The following EYA2 variants were observed in gnomAD, a reference collection of about 807,000 sequenced individuals.
The protein encoded by EYA2 is protein phosphatase EYA2.
Under a neutral mutation model 69.2 loss-of-function variants are expected in EYA2, and 31 were observed. The observed-to-expected ratio is 0.45, with a 90% CI of 0.34 to 0.60. EYA2 has a LOEUF of 0.60. EYA2 is among the 20% of genes least tolerant of loss of function. The pLI is 0.02. For missense variants in EYA2, 622 were observed against 701.2 expected (o/e 0.89, Z 1.28); for synonymous variants, 257 against 279.4 (o/e 0.92, Z 0.80).
chr20:46,895,515 C>G (rs1052629350), intron 1 of EYA2, among the ~76,000 whole-genome samples: 3 of 152,156 alleles, frequency 2.0e-5, no homozygotes, highest in Non-Finnish European at 2.9e-5. Context: ...TTCAAAAGTC[C>G]GTTTGCGCTC....
chr20:47,056,954 AGGATCGCCTGAGCCCGG>A (rs1405553963), intron 5 of EYA2, among the ~76,000 whole-genome samples: 1 of 151,576 alleles, frequency 6.6e-6, no homozygotes, highest in African/African-American at 2.4e-5. Flanking sequence ...CTGAGGTGGG[AGGATCGCCTGAGCCCGG>A]GGAGGTTGAG....
intron 5 of EYA2, among the ~76,000 whole-genome samples, chr20:47,038,442 AATCGCACCATGG>A (rs1471569187): frequency 6.6e-6 from 1 of 152,160 alleles, no homozygotes; most frequent in East Asian, 1.9e-4. Context: ...AATGAACTGT[AATCGCACCATGG>A]CACTCCAGCC....
intron 1 of EYA2, among the ~76,000 whole-genome samples, chr20:46,943,611 T>C (rs912848598): frequency 2.0e-5 from 3 of 152,208 alleles, no homozygotes; most frequent in Non-Finnish European, 1.5e-5. Flanking sequence ...CCAGCTTGCC[T>C]GTGTGTAGCA....
intron 1 of EYA2, chr20:46,979,467 G>T (rs1980683095): frequency 6.6e-6 from 1 of 152,080 alleles, no homozygotes; most frequent in Non-Finnish European, 1.5e-5. Flanking sequence ...AACAAAGAAA[G>T]AATTTTTTTT....
chr20:46,975,139 G>A (rs13039645), intron 1 of EYA2, among the ~76,000 whole-genome samples: 64,294 of 151,834 alleles, frequency 0.42, 14,044 homozygotes, highest in Non-Finnish European at 0.46. Context: ...AGCACAGGGA[G>A]ATCTTTGTGG....
chr20:47,188,165 A>G lies in EYA2; in HGVS notation c.*32A>G. 6.5e-7 allele frequency: 1 copy of G among 1,542,758 alleles called. No homozygotes were observed. The highest frequency in any genetic ancestry group is 8.8e-7 in the Non-Finnish European group (1 of 1,142,376). On this transcript the variant is annotated 3_prime_UTR_variant, in exon 16 of 16. Transcript: ENST00000327619. ...CAGCAGCATCTCCACCTGCCATCTC[A>G]CCCTCAGACCCCCTCGCCTTCCCCA...
chr20:47,043,329 A>C (rs547176104), intron 5 of EYA2, among the ~76,000 whole-genome samples: 1 of 152,182 alleles, frequency 6.6e-6, no homozygotes, highest in South Asian at 2.1e-4. Context: ...ACGGAAAGGG[A>C]ATGTTTTAAA....
intron 9 of EYA2, among the ~76,000 whole-genome samples, chr20:47,112,133 C>T (rs1047663214): frequency 2.0e-5 from 3 of 152,032 alleles, no homozygotes; most frequent in Non-Finnish European, 2.9e-5. Flanking sequence ...AGAGCAAGAC[C>T]GCTGTCTCAA....
intron 10 of EYA2, among the ~76,000 whole-genome samples, chr20:47,160,547 C>T (rs2034044194): frequency 6.6e-6 from 1 of 151,746 alleles, no homozygotes. Context: ...GGGTATATGT[C>T]GAAGGGAAAG....
At chr20:47,111,140 A>T (rs995970730) in intron 9 of EYA2, among the ~76,000 whole-genome samples, 50 of 152,264 alleles carry the variant, frequency 3.3e-4, no homozygotes, top group Non-Finnish European at 6.6e-4. Flanking sequence ...TAATTGAAGT[A>T]GGTCAGAAGG....
intron 5 of EYA2, among the ~76,000 whole-genome samples, chr20:47,030,503 G>C (rs1984346677): frequency 6.6e-6 from 1 of 150,598 alleles, no homozygotes; most frequent in Non-Finnish European, 1.5e-5. Flanking sequence ...CAGGCTGACA[G>C]TCAAGCCACA....
chr20:47,080,630 T>A (rs965984819), intron 7 of EYA2, among the ~76,000 whole-genome samples: 1 of 152,132 alleles, frequency 6.6e-6, no homozygotes, highest in Non-Finnish European at 1.5e-5. Context: ...TCTATCTTCA[T>A]GCTACTGATA....
chr20:47,003,973 C>T (rs943226520), intron 3 of EYA2, among the ~76,000 whole-genome samples: 5 of 152,196 alleles, frequency 3.3e-5, no homozygotes, highest in African/African-American at 1.2e-4. Flanking sequence ...AATGTACATA[C>T]CAGGTGCATG....
At chr20:47,050,412 T>C (rs2030273412) in intron 5 of EYA2, among the ~76,000 whole-genome samples, 1 of 152,092 alleles carries the variant, frequency 6.6e-6, no homozygotes, top group African/African-American at 2.4e-5. Context: ...ACCTCCAAAT[T>C]TTAAGAAGGC....
chr20:46,993,379 CCTTTG>C (rs1457887236), intron 2 of EYA2, among the ~76,000 whole-genome samples: 1 of 152,206 alleles, frequency 6.6e-6, no homozygotes, highest in Non-Finnish European at 1.5e-5. Context: ...GGCCCCTTTT[CCTTTG>C]CTTTAACTGA....
chr20:46,965,851 T>G (rs948517127), intron 1 of EYA2, among the ~76,000 whole-genome samples: 1 of 152,244 alleles, frequency 6.6e-6, no homozygotes, highest in Non-Finnish European at 1.5e-5. Flanking sequence ...TTGACTTTTG[T>G]GGGACCTTCT....
chr20:47,160,762 A>G (rs2034049327), intron 10 of EYA2: 1 of 153,100 alleles, frequency 6.5e-6, no homozygotes, highest in Admixed American at 6.8e-5. Flanking sequence ...GGCAAGAGCC[A>G]GATTTCATCC....
chr20:47,082,922 C>G (rs552890651), intron 7 of EYA2, among the ~76,000 whole-genome samples: 1 of 151,954 alleles, frequency 6.6e-6, no homozygotes, highest in East Asian at 1.9e-4. Flanking sequence ...GGTTGGGTGC[C>G]GTGGCTCGTG....
chr20:47,023,390 C>T (rs1983874013), intron 5 of EYA2, among the ~76,000 whole-genome samples: 1 of 152,076 alleles, frequency 6.6e-6, no homozygotes, highest in South Asian at 2.1e-4. Flanking sequence ...ATGTAGTTTT[C>T]TTTATGATTC....
Sources: gnomAD v4.1 joint callset for allele counts (sites outside exome capture counted in the v4.1 genomes callset) on GRCh38, gnomAD v4.1.1 for gene constraint, MANE v1.5 for transcripts, NCBI Gene and HGNC (gene_info 2026-07-23, HGNC 2026-07-21) for gene names.